The following PCDHGA2 variants were observed in gnomAD, a reference collection of about 807,000 sequenced individuals.
PCDHGA2 encodes protocadherin gamma-A2.
A neutral mutation model predicts 59.2 loss-of-function variants in PCDHGA2; 40 were observed. That is an observed-to-expected ratio of 0.68 (90% CI 0.52 to 0.88). The LOEUF (loss-of-function observed/expected upper bound fraction) is 0.88, where lower values mean the gene tolerates loss of function less well. Ranked by LOEUF, PCDHGA2 falls within the 40% of genes least tolerant of loss-of-function variation. PCDHGA2 has a pLI of 0.00. For missense variants in PCDHGA2, 1,226 were observed against 1,204.0 expected (o/e 1.02, Z -0.27); for synonymous variants, 560 against 526.0 (o/e 1.06, Z -0.89).
chr5:141,377,938 A>T (rs1447195904), intron 1 of PCDHGA2: 1 of 152,228 alleles, frequency 6.6e-6, no homozygotes, highest in Non-Finnish European at 1.5e-5. Flanking sequence ...ACTGCTGCTT[A>T]TAGAGTGTGT....
In PCDHGA2 at chr5:141,413,182, G is replaced by C. The variant is rs752788034; in HGVS notation, c.2424+71787G>C. On this transcript the variant is annotated intron_variant, in intron 1 of 3. Transcript: ENST00000394576. ...ATTCTGTAACCAGACTACAATGGCCGCTCAAAGGAATCGCTCAAAGGAATC... is the reference window on the plus strand; with the variant it reads ...ATTCTGTAACCAGACTACAATGGCCCCTCAAAGGAATCGCTCAAAGGAATC... 3.1e-6 allele frequency: 5 copies of C among 1,604,164 alleles called. No homozygotes were observed. In the South Asian group the frequency reaches 5.5e-5, roughly 18 times the overall value.
At chr5:141,374,700 C>T in intron 1 of PCDHGA2, 1 of 1,608,752 alleles carries the variant, frequency 6.2e-7, no homozygotes, top group Non-Finnish European at 8.5e-7. Context: ...GAAGGAGAAG[C>T]CGTTTACCGC....
intron 1 of PCDHGA2, chr5:141,468,497 C>T (rs1033597673): frequency 2.0e-5 from 3 of 152,074 alleles, no homozygotes; most frequent in Non-Finnish European, 4.4e-5. Context: ...GGAAGATTTT[C>T]ATGTGGACAA....
At chr5:141,387,891 A>T (rs774395551) in intron 1 of PCDHGA2, 36 of 1,554,882 alleles carry the variant, frequency 2.3e-5, no homozygotes, top group Non-Finnish European at 2.9e-5. Context: ...AGGGATGGGG[A>T]GCGGCGCCGG....
chr5:141,505,089 G>A (rs1562219081), intron 2 of PCDHGA2, among the ~76,000 whole-genome samples: 1 of 152,208 alleles, frequency 6.6e-6, no homozygotes, highest in Non-Finnish European at 1.5e-5. Context: ...TTGAACCCAG[G>A]AGGTGGATGT....
At chr5:141,364,706 A>G (rs1373538409) in intron 1 of PCDHGA2, 3 of 1,613,862 alleles carry the variant, frequency 1.9e-6, no homozygotes, top group Non-Finnish European at 2.5e-6. Context: ...AATAATCGAT[A>G]TTAATGATAA....
intron 1 of PCDHGA2, chr5:141,357,701 A>T: frequency 6.7e-7 from 1 of 1,500,850 alleles, no homozygotes; most frequent in Non-Finnish European, 8.9e-7. Flanking sequence ...TTTATATGTA[A>T]TATATCAAAT....
chr5:141,415,482 G>C, intron 1 of PCDHGA2: 1 of 1,614,218 alleles, frequency 6.2e-7, no homozygotes, highest in Non-Finnish European at 8.5e-7. Context: ...ACTCGCGAAA[G>C]AGTCACCTGA....
rs556099456 is a variant in PCDHGA2, at chr5:141,430,033, C to A, written c.2425-64774C>A. ...ACTTGGGTTCTTGTTAAGTGTGATT[C>A]TGATAATGTATACAATCACATATCA... On this transcript the variant is annotated intron_variant, in intron 1 of 3. Coordinates refer to ENST00000394576, the MANE Select transcript of PCDHGA2 (RefSeq NM_018915.4). 1.2e-4 allele frequency among the ~76,000 whole-genome samples: 18 copies of A among 152,184 alleles called. 1 individual carries two copies. In the South Asian group the frequency reaches 3.3e-3, roughly 28 times the overall value.
chr5:141,405,359 G>A, intron 1 of PCDHGA2: 2 of 1,614,018 alleles, frequency 1.2e-6, no homozygotes, highest in Non-Finnish European at 1.7e-6. Context: ...TCCTATAGAA[G>A]ACACCCCTTT....
chr5:141,352,070 G>T lies in PCDHGA2; in HGVS notation c.2424+10675G>T, dbSNP rs747997460. ...ACACAACGCTTGGCTGTCCTACCAC[G>T]TGCTGCAGGCCAGCGAGCCCGGGCT... is the stretch of plus-strand genomic sequence containing the variant. On this transcript the variant is annotated intron_variant, in intron 1 of 3. Transcript: ENST00000394576. 3 of 1,605,388 alleles carry T rather than the reference G, an allele frequency of 1.9e-6. No homozygotes were observed. In the South Asian group the frequency reaches 3.3e-5, roughly 18 times the overall value.
intron 1 of PCDHGA2, chr5:141,361,833 G>A (rs376471858): frequency 1.3e-4 from 207 of 1,612,780 alleles, no homozygotes; most frequent in Non-Finnish European, 1.7e-4. Flanking sequence ...TGTACCCCGC[G>A]CTGGGGCCTG....
chr5:141,371,562 T>G, intron 1 of PCDHGA2: 1 of 1,613,852 alleles, frequency 6.2e-7, no homozygotes, highest in Non-Finnish European at 8.5e-7. Context: ...AAAAGGAAAC[T>G]TCCCCTTTAA....
At chr5:141,394,893 G>A (rs769819389) in intron 1 of PCDHGA2, 7 of 1,613,858 alleles carry the variant, frequency 4.3e-6, no homozygotes, top group South Asian at 2.2e-5. Context: ...ACTCTATCTC[G>A]TGGTGGCAGT....
At chr5:141,373,221 T>C (rs1295527389) in intron 1 of PCDHGA2, among the ~76,000 whole-genome samples, 1 of 152,268 alleles carries the variant, frequency 6.6e-6, no homozygotes, top group Non-Finnish European at 1.5e-5. Flanking sequence ...TAATGTAACC[T>C]GTATATAATA....
Position 141,511,350 on chromosome 5 carries a change from C to T in PCDHGA2, c.*177C>T, listed in dbSNP as rs1303365585. Reference sequence around the variant, plus strand: ...CCCAGTCAGCACCTACCCCTTCCCCCCCAGGGGGTTGAATATGCAAAAGCA... The same window carrying T: ...CCCAGTCAGCACCTACCCCTTCCCCTCCAGGGGGTTGAATATGCAAAAGCA... On this transcript the variant is annotated 3_prime_UTR_variant, in exon 4 of 4. Transcript: ENST00000394576. The T allele has an allele frequency of 6.4e-6, 9 of 1,397,076 alleles. No homozygotes were observed. Among genetic ancestry groups the T allele is most frequent in the Non-Finnish European group, 8.6e-6 (9 of 1,050,666 alleles). 86.5% of individuals were successfully genotyped at this position (1,397,076 alleles called of 1,614,324 possible).
chr5:141,342,326 C>G (rs905450791), intron 1 of PCDHGA2: 2 of 152,160 alleles, frequency 1.3e-5, no homozygotes, highest in Non-Finnish European at 2.9e-5. Context: ...CCCAGTGCCC[C>G]TCTGATCAAT....
chr5:141,511,328 A>G lies in PCDHGA2; in HGVS notation c.*155A>G. On this transcript the variant is annotated 3_prime_UTR_variant, in exon 4 of 4. Transcript: ENST00000394576. Reference sequence around the variant, plus strand: ...CCTTGGGAAACAGAAACAAGTGCCCAGTCAGCACCTACCCCTTCCCCCCCA... The same window carrying G: ...CCTTGGGAAACAGAAACAAGTGCCCGGTCAGCACCTACCCCTTCCCCCCCA... The G allele has an allele frequency of 6.9e-7, 1 of 1,456,862 alleles. No individual in the cohort carries two copies. Among genetic ancestry groups the G allele is most frequent in the Non-Finnish European group, 9.1e-7 (1 of 1,093,622 alleles). 90.2% of individuals were successfully genotyped at this position (1,456,862 alleles called of 1,614,324 possible).
intron 1 of PCDHGA2, chr5:141,356,480 A>G: frequency 1.2e-6 from 2 of 1,613,992 alleles, no homozygotes; most frequent in South Asian, 2.2e-5. Flanking sequence ...GCCACTGACC[A>G]GGGAACTCCT....
Sources: gnomAD v4.1 joint callset for allele counts (sites outside exome capture counted in the v4.1 genomes callset) on GRCh38, gnomAD v4.1.1 for gene constraint, MANE v1.5 for transcripts, NCBI Gene and HGNC (gene_info 2026-07-23, HGNC 2026-07-21) for gene names.